The following PKP1 variants were observed in gnomAD, a reference collection of about 807,000 sequenced individuals.
The protein encoded by PKP1 is plakophilin-1.
In PKP1, 27 loss-of-function variants were observed where a neutral mutation model predicts 76.4. The observed-to-expected ratio is 0.35, with a 90% CI of 0.26 to 0.49. PKP1 has a LOEUF of 0.49. Ranked by LOEUF, PKP1 falls within the 20% of genes least tolerant of loss-of-function variation. The pLI, the probability that PKP1 is intolerant of heterozygous loss-of-function variation, is 0.99. For missense variants in PKP1, 964 were observed against 955.2 expected (o/e 1.01, Z -0.12); for synonymous variants, 404 against 384.2 (o/e 1.05, Z -0.60).
At chr1:201,291,177 C>T (rs1056865803) in intron 1 of PKP1, among the ~76,000 whole-genome samples, 1 of 152,156 alleles carries the variant, frequency 6.6e-6, no homozygotes, top group Non-Finnish European at 1.5e-5. Flanking sequence ...AATACTGTCA[C>T]CTTCTGCCAG....
At position 201,283,934 on chromosome 1, in the gene PKP1, C is replaced by T. The variant is rs776203475; in HGVS notation, c.202+30C>T. 6.3e-6 allele frequency: 10 copies of T among 1,595,654 alleles called. No homozygotes were observed. In the East Asian group the frequency reaches 6.7e-5, roughly 11 times the overall value. On this transcript the variant is annotated intron_variant, in intron 1 of 13. Transcript: ENST00000367324. The stretch of plus-strand genomic sequence containing the variant: ...AGGCTCGGCCCCCGCGTGGTCCGTG[C>T]GCCCCTTTCCAGAGCACCCTGGCCC...
At position 201,320,261 on chromosome 1, in the gene PKP1, C is replaced by G. The variant is rs368619127; in HGVS notation, c.1233-6C>G. ...CTGCCCTCTTCCACCCTCTTCTCTC[C>G]CCCAGGAACCTGAGCTCGGCCGATG... On this transcript the variant is annotated splice_region_variant and splice_polypyrimidine_tract_variant and intron_variant, in intron 6 of 13. Transcript: ENST00000367324. 1.2e-5 allele frequency: 20 copies of G among 1,601,274 alleles called. No homozygotes were observed. Among genetic ancestry groups the G allele is most frequent in the Non-Finnish European group, 1.5e-5 (18 of 1,168,448 alleles).
At chr1:201,295,511 GAA>G (rs1394072238) in intron 2 of PKP1, among the ~76,000 whole-genome samples, 1 of 152,234 alleles carries the variant, frequency 6.6e-6, no homozygotes, top group Non-Finnish European at 1.5e-5. Flanking sequence ...AATGGCTTAG[GAA>G]TGCAGCATAA....
chr1:201,310,631 G>T (rs1473046664), intron 2 of PKP1, among the ~76,000 whole-genome samples: 1 of 152,236 alleles, frequency 6.6e-6, no homozygotes, highest in Non-Finnish European at 1.5e-5. Flanking sequence ...GGAGGACGGG[G>T]TCTGAGAGGA....
chr1:201,327,145 T>C (rs375843430), intron 12 of PKP1, among the ~76,000 whole-genome samples: 1 of 152,156 alleles, frequency 6.6e-6, no homozygotes, highest in East Asian at 1.9e-4. Context: ...TGCTGCTCCC[T>C]GCAATTTAGC....
chr1:201,331,183 C>G lies in PKP1; in HGVS notation c.*1142C>G, dbSNP rs948057796. ...AGGGAGTGTTTGGGGTCCCAGGAGA[C>G]TTGGACGGGGGGAGTTTGGGTAGAC... On this transcript the variant is annotated 3_prime_UTR_variant, in exon 14 of 14. Transcript: ENST00000367324. The G allele has an allele frequency of 6.6e-6, 1 of 152,176 alleles. No individual in the cohort carries two copies. Among genetic ancestry groups the G allele is most frequent in the African/African-American group, 2.4e-5 (1 of 41,404 alleles). The allele number at this position is 152,176 out of a possible 1,614,324, so 9.4% of individuals were successfully genotyped here. A position where few individuals can be genotyped will look rare whatever the true frequency, so the allele number is the denominator to read the frequency against.
rs993308638 is a variant in PKP1 at position 201,332,960 on chromosome 1, A to G, written c.*2919A>G. The G allele has an allele frequency of 6.6e-6, 1 of 152,280 alleles. No homozygotes were observed. Among genetic ancestry groups the G allele is most frequent in the African/African-American group, 2.4e-5 (1 of 41,470 alleles). 9.4% of individuals were successfully genotyped at this position (152,280 alleles called of 1,614,324 possible). A position where few individuals can be genotyped will look rare whatever the true frequency, so the allele number is the denominator to read the frequency against. Reference sequence around the variant, plus strand: ...TATTTGCTTTTTTTGGAAATAGAGAAAATCAATAAATTGCTAGTGTTTCTT... The same window carrying G: ...TATTTGCTTTTTTTGGAAATAGAGAGAATCAATAAATTGCTAGTGTTTCTT... On this transcript the variant is annotated 3_prime_UTR_variant, in exon 14 of 14. Coordinates refer to ENST00000367324, the MANE Select transcript of PKP1 (RefSeq NM_001005337.3).
At chr1:201,298,613 T>A (rs1380497446) in intron 2 of PKP1, among the ~76,000 whole-genome samples, 1 of 152,168 alleles carries the variant, frequency 6.6e-6, no homozygotes, top group Non-Finnish European at 1.5e-5. Flanking sequence ...GACTGCCACA[T>A]TGAATCACTC....
rs931264055 is a variant in PKP1, at chr1:201,331,113, A to G, written c.*1072A>G. On this transcript the variant is annotated 3_prime_UTR_variant, in exon 14 of 14. Transcript: ENST00000367324. ...AGTGGGATGGAGTTGGGGTATAGAA[A>G]TTAACCAGGAAGATGTTTCCACCAA... 3.3e-5 allele frequency: 5 copies of G among 152,240 alleles called. No individual in the cohort carries two copies. Among genetic ancestry groups the G allele is most frequent in the African/African-American group, 1.2e-4 (5 of 41,442 alleles). The allele number at this position is 152,240 out of a possible 1,614,324, so 9.4% of individuals were successfully genotyped here.
intron 2 of PKP1, among the ~76,000 whole-genome samples, chr1:201,310,493 TTGC>T (rs1656514525): frequency 6.6e-6 from 1 of 152,222 alleles, no homozygotes; most frequent in Admixed American, 6.5e-5. Flanking sequence ...TCCCAGGCAG[TTGC>T]TGCCGTTTCA....
rs760407315 is a variant in PKP1, at chr1:201,317,681, C to T, written c.956C>T (p.Thr319Ile). 1 of 1,614,008 alleles carries T rather than the reference C, an allele frequency of 6.2e-7. No homozygotes were observed. The highest frequency in any genetic ancestry group is 8.5e-7 in the Non-Finnish European group (1 of 1,179,988). The change falls in exon 5 of 14, where the codon ACC (threonine) becomes ATC (isoleucine). Residue 319 changes from threonine (T) to isoleucine (I), a missense_variant. Physicochemically the swap from Thr to Ile is moderately conservative, Grantham distance 89 (BLOSUM62 -1). Transcript: ENST00000367324. ...CTGCGCAACCTGGTGTTCAGGAGCA[C>T]CACCAACAAGCTGGAGACCCGGAGG... Reference protein sequence around the residue: ...GALRNLVFRSTTNKLETRRQN... With the variant: ...GALRNLVFRSITNKLETRRQN...
At position 201,313,533 on chromosome 1, in the gene PKP1, C is replaced by G; in HGVS notation, c.674C>G (p.Ser225Cys). Residue 225 changes from serine to cysteine, a missense_variant, in exon 3 of 14, where the codon TCC becomes TGC. Ser to Cys is a moderately radical substitution (Grantham distance 112, BLOSUM62 -1). Transcript: ENST00000367324. ...IPPISCNKDL[S>C]FGHSRASSKI... is the part of the protein sequence containing the mutation. Reference sequence around the variant, plus strand: ...CCCATCTCCTGCAACAAGGACCTGTCCTTTGGCCACTCTAGGGCCAGCTCC... The same window carrying G: ...CCCATCTCCTGCAACAAGGACCTGTGCTTTGGCCACTCTAGGGCCAGCTCC... 3 of 1,613,910 alleles carry G rather than the reference C, an allele frequency of 1.9e-6. No individual in the cohort carries two copies. The highest frequency in any genetic ancestry group is 2.5e-6 in the Non-Finnish European group (3 of 1,179,888).
At chr1:201,313,600 A>C in intron 3 of PKP1, 40 bp downstream of exon 3, 1 of 1,595,488 alleles carries the variant, frequency 6.3e-7, no homozygotes, top group Admixed American at 1.7e-5. Flanking sequence ...CAGGAGGGCC[A>C]GTGGGGAGAC....
At chr1:201,296,422 A>G (rs1656071180) in intron 2 of PKP1, among the ~76,000 whole-genome samples, 1 of 152,188 alleles carries the variant, frequency 6.6e-6, no homozygotes, top group Non-Finnish European at 1.5e-5. Context: ...CTCTGGTGAA[A>G]CCAATATGGC....
At chr1:201,322,769 C>T (rs2102183580) in intron 8 of PKP1, among the ~76,000 whole-genome samples, 1 of 152,220 alleles carries the variant, frequency 6.6e-6, no homozygotes, top group East Asian at 1.9e-4. Context: ...ATGCTCTCTT[C>T]TCCCACATCC....
At chr1:201,283,952 C>T in intron 1 of PKP1, 48 bp downstream of exon 1, 1 of 1,546,270 alleles carries the variant, frequency 6.5e-7, no homozygotes, top group Non-Finnish European at 8.9e-7. Flanking sequence ...TCCAGAGCAC[C>T]CTGGCCCAGT....
At chr1:201,315,406 A>G (rs1406359649) in intron 3 of PKP1, among the ~76,000 whole-genome samples, 2 of 152,242 alleles carry the variant, frequency 1.3e-5, no homozygotes, top group African/African-American at 4.8e-5. Flanking sequence ...ATGTCAAAGC[A>G]TAAGGATAGG....
chr1:201,325,660 T>C, intron 11 of PKP1, 94 bp from the exon 12 acceptor site: 1 of 950,288 alleles, frequency 1.1e-6, no homozygotes, highest in Non-Finnish European at 1.7e-6. Context: ...CTCCCCTGTG[T>C]CCAGGCCCTG....
intron 2 of PKP1, among the ~76,000 whole-genome samples, chr1:201,309,001 C>G (rs559767331): frequency 4.1e-4 from 62 of 152,150 alleles, no homozygotes; most frequent in African/African-American, 1.4e-3. Flanking sequence ...AGGAGGATGC[C>G]ATCTCTTTTT....
Sources: allele counts gnomAD v4.1 joint callset (sites outside exome capture counted in the v4.1 genomes callset), GRCh38; gene constraint gnomAD v4.1.1; transcripts MANE v1.5; gene names NCBI Gene and HGNC (gene_info 2026-07-23, HGNC 2026-07-21).